ROBO1: variants seen among roughly 807,000 people sequenced by gnomAD.
The protein encoded by ROBO1 is roundabout homolog 1.
A neutral mutation model predicts 195.9 loss-of-function variants in ROBO1; 149 were observed. The ratio of observed to expected loss-of-function variants is 0.76; its 90% CI spans 0.67 to 0.87. The LOEUF is 0.87. Among genes scored for constraint, ROBO1 ranks in the 40% least tolerant of loss-of-function variants. The pLI, the probability that ROBO1 is intolerant of heterozygous loss-of-function variation, is 0.00. For missense variants in ROBO1, 1,933 were observed against 2,068.3 expected (o/e 0.93, Z 1.27); for synonymous variants, 816 against 733.2 (o/e 1.11, Z -1.82).
chr3:78,872,764 T>C (rs1261474536), intron 4 of ROBO1, among the ~76,000 whole-genome samples: 1 of 152,184 alleles, frequency 6.6e-6, no homozygotes, highest in East Asian at 1.9e-4. Context: ...TCAAGGCATT[T>C]GTCCTTCCAA....
intron 2 of ROBO1, among the ~76,000 whole-genome samples, chr3:79,503,612 T>C (rs1940233471): frequency 6.6e-6 from 1 of 152,158 alleles, no homozygotes; most frequent in Admixed American, 6.6e-5. Context: ...TGTTGGAGGA[T>C]AGGTCTGTGT....
intron 1 of ROBO1, among the ~76,000 whole-genome samples, chr3:79,717,397 T>C (rs1702533734): frequency 6.6e-6 from 1 of 151,966 alleles, no homozygotes; most frequent in Admixed American, 6.6e-5. Context: ...GACAATTGCA[T>C]TTTAGGTTGG....
intron 2 of ROBO1, among the ~76,000 whole-genome samples, chr3:79,444,285 A>T (rs1186571048): frequency 6.6e-6 from 1 of 152,154 alleles, no homozygotes; most frequent in Non-Finnish European, 1.5e-5. Context: ...AAAAGAAAAT[A>T]GCAAACAAAA....
At chr3:78,651,583 A>G (rs950664964) in intron 19 of ROBO1, 149 bp downstream of exon 19, 7 of 503,948 alleles carry the variant, frequency 1.4e-5, no homozygotes, top group African/African-American at 6.0e-5. Flanking sequence ...ATATGTGGAT[A>G]CCGCAGCACA....
At chr3:78,702,922 G>A (rs541284967) in intron 8 of ROBO1, among the ~76,000 whole-genome samples, 49 of 152,216 alleles carry the variant, frequency 3.2e-4, no homozygotes, top group Non-Finnish European at 5.4e-4. Flanking sequence ...CTGACTGCTC[G>A]ACTTATTTCT....
rs1939352513 is a variant in ROBO1, at chr3:79,489,667, A to G, written c.88+100157T>C. On this transcript the variant is annotated intron_variant, in intron 2 of 30. Coordinates refer to ENST00000464233, the MANE Select transcript of ROBO1 (RefSeq NM_002941.4). ...ACTTCATCTCAAAAAAAAAAAAAAAAAAGAAAGAAAGAAGTAACAATTTCT... is the reference window on the plus strand; with the variant it reads ...ACTTCATCTCAAAAAAAAAAAAAAAGAAGAAAGAAAGAAGTAACAATTTCT... Among the ~76,000 whole-genome samples the G allele has an allele frequency of 2.6e-5, 4 of 151,554 alleles. No individual in the cohort carries two copies. The South Asian group carries it at 8.3e-4, about 31-fold the overall frequency.
intron 4 of ROBO1, among the ~76,000 whole-genome samples, chr3:78,785,276 T>C (rs756965090): frequency 6.6e-6 from 1 of 152,186 alleles, no homozygotes; most frequent in East Asian, 1.9e-4. Context: ...CTCTTCTGAG[T>C]CTTTTTCTTT....
intron 5 of ROBO1, among the ~76,000 whole-genome samples, chr3:78,746,390 A>G (rs2108281141): frequency 6.6e-6 from 1 of 152,314 alleles, no homozygotes; most frequent in African/African-American, 2.4e-5. Flanking sequence ...CTGGAAACAT[A>G]CTAAATAACA....
chr3:78,627,593 T>C (rs1252454039), intron 25 of ROBO1, 24 bp from the exon 26 acceptor site: 16 of 1,586,402 alleles, frequency 1.0e-5, no homozygotes, highest in Non-Finnish European at 1.7e-6. Context: ...TAAGGATGTG[T>C]AGACTTACTT....
rs144648582 is a variant in ROBO1, at chr3:78,777,272, A to G, written c.500-30372T>C. On this transcript the variant is annotated intron_variant, in intron 4 of 30. Transcript: ENST00000464233. ...AGCTAACTTATTTGATTCCACTCACAAACATTAACTTCTGATGACCAGAGG... is the reference window on the plus strand; with the variant it reads ...AGCTAACTTATTTGATTCCACTCACGAACATTAACTTCTGATGACCAGAGG... Among the ~76,000 whole-genome samples, 291 of 152,360 alleles carry G rather than the reference A, an allele frequency of 1.9e-3. 1 individual carries two copies. Among genetic ancestry groups the G allele is most frequent in the African/African-American group, 6.5e-3 (269 of 41,594 alleles).
chr3:79,414,669 A>G (rs1203718011), intron 2 of ROBO1, among the ~76,000 whole-genome samples: 1 of 152,186 alleles, frequency 6.6e-6, no homozygotes, highest in East Asian at 1.9e-4. Context: ...GTACACTAGT[A>G]AAAGCTCAAA....
intron 2 of ROBO1, among the ~76,000 whole-genome samples, chr3:79,185,846 A>G (rs549139414): frequency 1.5e-4 from 23 of 152,266 alleles, no homozygotes; most frequent in Admixed American, 6.5e-4. Context: ...AATGAATTTC[A>G]GATTATAGAA....
At chr3:78,884,541 A>AAAAG (rs755335627) in intron 4 of ROBO1, among the ~76,000 whole-genome samples, 2 of 151,406 alleles carry the variant, frequency 1.3e-5, no homozygotes, top group Admixed American at 1.3e-4. Flanking sequence ...TGCCCCTCAA[A>AAAAG]AAAGAAAGAA....
intron 2 of ROBO1, among the ~76,000 whole-genome samples, chr3:79,248,396 A>AAG (rs1491045856): frequency 1.1e-4 from 17 of 150,080 alleles, no homozygotes; most frequent in Admixed American, 6.7e-4. Context: ...AAAAAAAAAA[A>AAG]AGAGAGAGAG....
At chr3:79,141,430 T>G (rs1490733286) in intron 2 of ROBO1, among the ~76,000 whole-genome samples, 1 of 152,170 alleles carries the variant, frequency 6.6e-6, no homozygotes, top group Non-Finnish European at 1.5e-5. Flanking sequence ...ATTTTATTCC[T>G]TCAGGTTTTT....
At chr3:79,503,907 G>T (rs975408004) in intron 2 of ROBO1, among the ~76,000 whole-genome samples, 6 of 152,228 alleles carry the variant, frequency 3.9e-5, no homozygotes, top group African/African-American at 1.4e-4. Context: ...TAGGAAGGAA[G>T]TTTCATATTC....
chr3:78,600,989 C>T (rs1703139201), intron 29 of ROBO1, among the ~76,000 whole-genome samples: 1 of 152,004 alleles, frequency 6.6e-6, no homozygotes, highest in African/African-American at 2.4e-5. Context: ...AATAAGCAAG[C>T]CACTCCAATT....
intron 4 of ROBO1, among the ~76,000 whole-genome samples, chr3:78,892,112 C>T (rs914437040): frequency 9.9e-5 from 15 of 152,184 alleles, no homozygotes; most frequent in Admixed American, 3.9e-4. Context: ...GTAATCCCAG[C>T]ACTTTGAGAG....
chr3:78,654,931 T>A (rs1706904266), intron 18 of ROBO1, among the ~76,000 whole-genome samples: 1 of 152,176 alleles, frequency 6.6e-6, no homozygotes, highest in Non-Finnish European at 1.5e-5. Context: ...AATATTGAAA[T>A]TTAATAAAAT....
Sources: gnomAD v4.1 joint callset for allele counts (sites outside exome capture counted in the v4.1 genomes callset) on GRCh38, gnomAD v4.1.1 for gene constraint, MANE v1.5 for transcripts, NCBI Gene and HGNC (gene_info 2026-07-23, HGNC 2026-07-21) for gene names.